The following PSMD11 variants were observed in gnomAD, a reference collection of about 807,000 sequenced individuals.
PSMD11 encodes proteasome 26S subunit, non-ATPase 11, also known as 26S proteasome non-ATPase regulatory subunit 11.
PSMD11 carries 5 observed loss-of-function variants against 62.3 expected under a neutral mutation model. The observed-to-expected ratio is 0.08, with a 90% CI of 0.04 to 0.17. The LOEUF is 0.17. Ranked by LOEUF, PSMD11 falls within the 10% of genes least tolerant of loss-of-function variation. PSMD11 has a pLI of 1.00. For missense variants in PSMD11, 310 were observed against 512.9 expected, an observed-to-expected ratio of 0.60 and a Z score of 3.82; for synonymous variants, 191 against 191.8, an observed-to-expected ratio of 1.00 and a Z score of 0.03.
chr17:32,446,317 A>C (rs1487919727), intron 1 of PSMD11, among the ~76,000 whole-genome samples: 1 of 152,222 alleles, frequency 6.6e-6, no homozygotes, highest in Non-Finnish European at 1.5e-5. Flanking sequence ...CAGATAGCAC[A>C]AAGTTATTTT....
At chr17:32,477,379 C>T (rs926541410) in intron 8 of PSMD11, 142 bp from the exon 9 acceptor site, 8 of 586,452 alleles carry the variant, frequency 1.4e-5, no homozygotes, top group African/African-American at 5.7e-5. Flanking sequence ...CTCTTCTTCC[C>T]GGGCGTCTGA....
At chr17:32,445,449 A>T (rs1907305158) in intron 1 of PSMD11, 2 of 152,212 alleles carry the variant, frequency 1.3e-5, no homozygotes, top group South Asian at 4.1e-4. Flanking sequence ...TTAACGCTGT[A>T]ATAACGATGG....
chr17:32,454,922 A>G (rs1368109439), intron 3 of PSMD11: 3 of 246,300 alleles, frequency 1.2e-5, no homozygotes, highest in Non-Finnish European at 2.4e-5. Context: ...TGTCTGTGGT[A>G]CCTTTCATCT....
intron 6 of PSMD11, among the ~76,000 whole-genome samples, chr17:32,472,350 G>A (rs1187282943): frequency 6.6e-6 from 1 of 151,694 alleles, no homozygotes; most frequent in Non-Finnish European, 1.5e-5. Flanking sequence ...AGCCACCTGA[G>A]TAGCTGGGAT....
chr17:32,451,106 G>C (rs1020953513), intron 2 of PSMD11, among the ~76,000 whole-genome samples: 5 of 147,388 alleles, frequency 3.4e-5, no homozygotes, highest in Non-Finnish European at 5.9e-5. Context: ...GGGTGACTGA[G>C]TGAGGCTCTT....
intron 13 of PSMD11, 21 bp downstream of exon 13, chr17:32,480,652 C>T: frequency 3.1e-6 from 5 of 1,613,524 alleles, no homozygotes; most frequent in Non-Finnish European, 4.2e-6. Flanking sequence ...GCTTCAGGAC[C>T]CCAGGGCTGG....
At chr17:32,464,355 G>T (rs544758386) in intron 4 of PSMD11, among the ~76,000 whole-genome samples, 166 bp from the exon 5 acceptor site, 29 of 152,310 alleles carry the variant, frequency 1.9e-4, no homozygotes, top group Non-Finnish European at 2.4e-4. Context: ...GTCATTTGCT[G>T]GCTATAATAG....
chr17:32,480,810 G>A lies in PSMD11; in HGVS notation c.*58G>A, dbSNP rs1908466043. ...GTGTGGCGGGAGAGTGAAACCTTGGGGGAAAATGCTAGGAGATTCTTTTTT... is the reference window on the plus strand; with the variant it reads ...GTGTGGCGGGAGAGTGAAACCTTGGAGGAAAATGCTAGGAGATTCTTTTTT... On this transcript the variant is annotated 3_prime_UTR_variant, in exon 14 of 14. Transcript: ENST00000261712. 1 of 627,832 alleles carries A rather than the reference G, an allele frequency of 1.6e-6. No individual in the cohort carries two copies. Among genetic ancestry groups the A allele is most frequent in the African/African-American group, 1.8e-5 (1 of 54,260 alleles). 38.9% of individuals were successfully genotyped at this position (627,832 alleles called of 1,614,324 possible).
At chr17:32,459,235 G>A (rs576611409) in intron 3 of PSMD11, among the ~76,000 whole-genome samples, 259 of 150,808 alleles carry the variant, frequency 1.7e-3, no homozygotes, top group Middle Eastern at 6.9e-3. Flanking sequence ...TCAAAGGAAT[G>A]TATGGACTGT....
At chr17:32,468,901 T>A in intron 5 of PSMD11, 98 bp from the exon 6 acceptor site, 1 of 1,200,234 alleles carries the variant, frequency 8.3e-7, no homozygotes, top group South Asian at 1.8e-5. Flanking sequence ...AGGAATTTTT[T>A]TTTTTTTTTA....
chr17:32,476,538 T>C (rs576129829), intron 8 of PSMD11: 1 of 152,240 alleles, frequency 6.6e-6, no homozygotes, highest in African/African-American at 2.4e-5. Flanking sequence ...TATATAAGCA[T>C]GTAGGCTGAT....
rs1170643586 is a variant in PSMD11 at position 32,464,668 on chromosome 17, T to G, written c.448+90T>G. 6 of 988,060 alleles carry G rather than the reference T, an allele frequency of 6.1e-6. No homozygotes were observed. In the African/African-American group the frequency reaches 6.5e-5, roughly 11 times the overall value. The allele number at this position is 988,060 out of a possible 1,614,324, so 61.2% of individuals were successfully genotyped here. On this transcript the variant is annotated intron_variant, in intron 5 of 13. Coordinates refer to ENST00000261712, the MANE Select transcript of PSMD11 (RefSeq NM_002815.4). ...CTCTTACTAATTACCTGTTAATAATTTATATTCTACTGACTTCTAAGAAGG... is the reference window on the plus strand; with the variant it reads ...CTCTTACTAATTACCTGTTAATAATGTATATTCTACTGACTTCTAAGAAGG...
At chr17:32,473,585 T>G (rs979896232) in intron 6 of PSMD11, among the ~76,000 whole-genome samples, 2 of 151,598 alleles carry the variant, frequency 1.3e-5, no homozygotes, top group African/African-American at 4.8e-5. Flanking sequence ...GCCCAGCATT[T>G]TTTTTTTTTT....
chr17:32,446,820 TAACTCTAGAATTTGTCTTTTGG>T, intron 1 of PSMD11, 103 bp from the exon 2 acceptor site: 1 of 470,996 alleles, frequency 2.1e-6, no homozygotes, highest in Non-Finnish European at 3.7e-6. Flanking sequence ...TTTTTTTTTT[TAACTCTAGAATTTGTCTTTTGG>T]TAAATATGTT....
chr17:32,448,130 C>T (rs1327409870), intron 2 of PSMD11, among the ~76,000 whole-genome samples: 3 of 152,000 alleles, frequency 2.0e-5, no homozygotes, highest in Non-Finnish European at 4.4e-5. Context: ...CCACCCACCT[C>T]GGCCTCCGAA....
rs1461048647 is a variant in PSMD11 at position 32,454,741 on chromosome 17, T to G, written c.318+122T>G. On this transcript the variant is annotated intron_variant, in intron 3 of 13. Coordinates refer to ENST00000261712, the MANE Select transcript of PSMD11 (RefSeq NM_002815.4). ...AAAACTGGGAGGACAGCGCAGGACT[T>G]ATCATGTCAGTTTCTCTTTGTTACA... The G allele has an allele frequency of 3.8e-6, 4 of 1,057,320 alleles. No individual in the cohort carries two copies. In the South Asian group the frequency reaches 4.9e-5, roughly 13 times the overall value. The allele number at this position is 1,057,320 out of a possible 1,614,324, so 65.5% of individuals were successfully genotyped here. A position where few individuals can be genotyped will look rare whatever the true frequency, so the allele number is the denominator to read the frequency against.
chr17:32,446,755 A>G (rs946207260), intron 1 of PSMD11, among the ~76,000 whole-genome samples, 190 bp from the exon 2 acceptor site: 13 of 151,780 alleles, frequency 8.6e-5, no homozygotes, highest in Non-Finnish European at 1.6e-4. Context: ...TATGATTTAC[A>G]TGGAGCATAT....
chr17:32,469,081 C>T lies in PSMD11; in HGVS notation c.531C>T (p.Tyr177=), dbSNP rs979323857. The T allele has an allele frequency of 1.2e-6, 2 of 1,613,960 alleles. No homozygotes were observed. Among genetic ancestry groups the T allele is most frequent in the Admixed American group, 3.3e-5 (2 of 59,978 alleles). ...VEVQLLESKT[Y]HALSNLPKAR... is the part of the protein sequence containing the mutation. ...TACAGCTTTTAGAAAGCAAAACATA[C>T]CATGCCCTGAGCAACCTGCCGAAAG... The change falls in exon 6 of 14, where the codon TAC becomes TAT. Residue 177 remains tyrosine, a synonymous_variant. Transcript: ENST00000261712.
chr17:32,466,153 G>A (rs1907987905), intron 5 of PSMD11, among the ~76,000 whole-genome samples: 1 of 152,122 alleles, frequency 6.6e-6, no homozygotes, highest in Admixed American at 6.6e-5. Flanking sequence ...CTGTCACCAT[G>A]CCTGGCTAAT....
Sources: allele counts gnomAD v4.1 joint callset (sites outside exome capture counted in the v4.1 genomes callset), GRCh38; gene constraint gnomAD v4.1.1; transcripts MANE v1.5; gene names NCBI Gene and HGNC (gene_info 2026-07-23, HGNC 2026-07-21).